ANKS1B: variants seen among roughly 807,000 people sequenced by gnomAD.
ANKS1B encodes ankyrin repeat and sterile alpha motif domain-containing protein 1B.
ANKS1B carries 36 observed loss-of-function variants against 148.3 expected under a neutral mutation model. The ratio of observed to expected loss-of-function variants is 0.24; its 90% CI spans 0.19 to 0.32. The LOEUF (loss-of-function observed/expected upper bound fraction) is 0.32, where lower values mean the gene tolerates loss of function less well. Among genes scored for constraint, ANKS1B ranks in the 10% least tolerant of loss-of-function variants. The pLI is 1.00. For missense variants in ANKS1B, 1,157 were observed against 1,542.6 expected, an observed-to-expected ratio of 0.75 and a Z score of 4.19; for synonymous variants, 542 against 560.8, an observed-to-expected ratio of 0.97 and a Z score of 0.47.
At chr12:99,687,552 T>C (rs1309490343) in intron 8 of ANKS1B, among the ~76,000 whole-genome samples, 1 of 152,180 alleles carries the variant, frequency 6.6e-6, no homozygotes, top group Non-Finnish European at 1.5e-5. Context: ...CATTTTAGTT[T>C]CTATTGCTAG....
chr12:99,217,630 T>A (rs572425767), intron 14 of ANKS1B, among the ~76,000 whole-genome samples: 1 of 152,234 alleles, frequency 6.6e-6, no homozygotes, highest in African/African-American at 2.4e-5. Context: ...ATAGACCTGG[T>A]CCCTTTTCTC....
At chr12:99,377,358 C>T (rs976866563) in intron 12 of ANKS1B, among the ~76,000 whole-genome samples, 4 of 152,200 alleles carry the variant, frequency 2.6e-5, no homozygotes, top group East Asian at 1.9e-4. Context: ...CATTCTTGAA[C>T]AAAATGCGGT....
intron 9 of ANKS1B, among the ~76,000 whole-genome samples, chr12:99,606,282 T>G (rs528118236): frequency 1.3e-5 from 2 of 152,168 alleles, no homozygotes; most frequent in South Asian, 4.2e-4. Context: ...TGGTATAACA[T>G]AAGCATTTTT....
At chr12:99,427,785 T>C (rs796868374) in intron 11 of ANKS1B, among the ~76,000 whole-genome samples, 15 of 151,920 alleles carry the variant, frequency 9.9e-5, no homozygotes, top group African/African-American at 3.6e-4. Flanking sequence ...GAAGATGGGG[T>C]GAGAAAGGGT....
At chr12:99,668,484 C>T (rs947762538) in intron 8 of ANKS1B, among the ~76,000 whole-genome samples, 22 of 152,024 alleles carry the variant, frequency 1.4e-4, no homozygotes, top group Admixed American at 7.9e-4. Context: ...TATATAAGAA[C>T]TGAATTCTAT....
At chr12:98,868,516 T>C (rs1384159387) in intron 17 of ANKS1B, among the ~76,000 whole-genome samples, 1 of 152,270 alleles carries the variant, frequency 6.6e-6, no homozygotes, top group Non-Finnish European at 1.5e-5. Flanking sequence ...TTTAGCTGTG[T>C]AGACAAGGTG....
At chr12:99,649,569 G>A (rs1005507308) in intron 9 of ANKS1B, 24 of 577,508 alleles carry the variant, frequency 4.2e-5, no homozygotes, top group Non-Finnish European at 6.5e-5. Flanking sequence ...ACTCAGGAGA[G>A]AAACACAGCA....
intron 14 of ANKS1B, among the ~76,000 whole-genome samples, chr12:99,203,874 A>G (rs143178082): frequency 0.01 from 1,545 of 152,304 alleles, 26 homozygotes; most frequent in South Asian, 0.048. Flanking sequence ...ACTGTTTACA[A>G]TCTGAAGTCA....
At chr12:98,812,758 G>C (rs1444036647) in intron 19 of ANKS1B, among the ~76,000 whole-genome samples, 1 of 152,074 alleles carries the variant, frequency 6.6e-6, no homozygotes, top group Non-Finnish European at 1.5e-5. Flanking sequence ...ATTTTTAGTA[G>C]ATATGGGGTT....
At chr12:99,871,208 T>A (rs2091466846) in intron 1 of ANKS1B, among the ~76,000 whole-genome samples, 2 of 152,164 alleles carry the variant, frequency 1.3e-5, no homozygotes, top group South Asian at 4.1e-4. Flanking sequence ...TTGTTGAAGA[T>A]CAGATGGTTG....
chr12:98,804,677 A>G (rs2099035901), intron 20 of ANKS1B, among the ~76,000 whole-genome samples: 1 of 152,170 alleles, frequency 6.6e-6, no homozygotes, highest in Non-Finnish European at 1.5e-5. Flanking sequence ...GCTGAATTAC[A>G]GCAGGAATGA....
chr12:99,233,916 A>G (rs1410055957), intron 14 of ANKS1B, among the ~76,000 whole-genome samples: 1 of 152,140 alleles, frequency 6.6e-6, no homozygotes. Flanking sequence ...TGTTTATAAA[A>G]TATCTGACAT....
chr12:99,705,129 A>T (rs1300665297), intron 8 of ANKS1B, among the ~76,000 whole-genome samples: 1 of 152,136 alleles, frequency 6.6e-6, no homozygotes, highest in Non-Finnish European at 1.5e-5. Context: ...AGGCAAAAAT[A>T]GCAACTATGT....
At chr12:99,450,665 A>T (rs1003151317) in intron 10 of ANKS1B, among the ~76,000 whole-genome samples, 3 of 152,208 alleles carry the variant, frequency 2.0e-5, no homozygotes, top group African/African-American at 7.2e-5. Context: ...ATTTTGTACT[A>T]TCTTGCATTG....
chr12:99,294,568 C>T (rs1185630023), intron 12 of ANKS1B, among the ~76,000 whole-genome samples: 1 of 151,748 alleles, frequency 6.6e-6, no homozygotes, highest in African/African-American at 2.4e-5. Context: ...GGATGGTTAG[C>T]GGATACAAAA....
chr12:98,902,745 TAC>T (rs958931231), intron 17 of ANKS1B, among the ~76,000 whole-genome samples: 5 of 152,200 alleles, frequency 3.3e-5, no homozygotes, highest in African/African-American at 7.2e-5. Context: ...TAAATATAAG[TAC>T]ACTCATATAA....
Position 98,775,460 on chromosome 12 carries a change from C to T in ANKS1B, c.3442-2281G>A, listed in dbSNP as rs567589474. Among the ~76,000 whole-genome samples, 42 of 151,572 alleles carry T rather than the reference C, an allele frequency of 2.8e-4. No individual in the cohort carries two copies. The South Asian group carries it at 7.7e-3, about 28-fold the overall frequency. On this transcript the variant is annotated intron_variant, in intron 24 of 26. Coordinates refer to ENST00000683438, the MANE Select transcript of ANKS1B (RefSeq NM_001352186.2). ...TCTTCTTCTCTTTCTCTCTCTCTCT[C>T]TTTTTTTTGAGATAGGGTCTTGCTC...
chr12:99,234,658 C>T (rs572924949), intron 14 of ANKS1B, among the ~76,000 whole-genome samples: 26 of 152,170 alleles, frequency 1.7e-4, no homozygotes, highest in African/African-American at 5.8e-4. Context: ...TACACTCATC[C>T]TCTATTAGTA....
intron 10 of ANKS1B, among the ~76,000 whole-genome samples, chr12:99,487,471 G>A (rs556291892): frequency 1.8e-4 from 28 of 152,112 alleles, no homozygotes; most frequent in Non-Finnish European, 3.4e-4. Context: ...TTAAAATGAA[G>A]GTGAGCTGAA....
Sources: gnomAD v4.1 joint callset for allele counts (sites outside exome capture counted in the v4.1 genomes callset) on GRCh38, gnomAD v4.1.1 for gene constraint, MANE v1.5 for transcripts, NCBI Gene and HGNC (gene_info 2026-07-23, HGNC 2026-07-21) for gene names.